The following KCNMA1 variants were observed in gnomAD, a reference collection of about 807,000 sequenced individuals.
KCNMA1 encodes the protein Calcium-activated potassium channel subunit alpha-1.
In KCNMA1, 29 loss-of-function variants were observed where a neutral mutation model predicts 140.0. That is an observed-to-expected ratio of 0.21 (90% CI 0.15 to 0.28). The LOEUF (loss-of-function observed/expected upper bound fraction) is 0.28. Ranked by LOEUF, KCNMA1 falls within the 10% of genes least tolerant of loss-of-function variation. The probability of loss-of-function intolerance (pLI) is 1.00; values close to 1 mark genes in which losing one functional copy is unlikely to be tolerated. For missense variants in KCNMA1, 880 were observed against 1,602.2 expected (o/e 0.55, Z 7.70); for synonymous variants, 612 against 611.9 (o/e 1.00, Z 0.00).
intron 2 of KCNMA1, among the ~76,000 whole-genome samples, chr10:77,326,108 C>T (rs2084095603): frequency 6.6e-6 from 1 of 152,190 alleles, no homozygotes; most frequent in Non-Finnish European, 1.5e-5. Context: ...TGATTGGAAG[C>T]CATTCATTCC....
chr10:77,558,459 C>T (rs1356095164), intron 1 of KCNMA1, among the ~76,000 whole-genome samples: 1 of 152,158 alleles, frequency 6.6e-6, no homozygotes, highest in Non-Finnish European at 1.5e-5. Flanking sequence ...AAATTTTGAC[C>T]TGTGGTTCAC....
chr10:77,367,210 A>G (rs569445113), intron 2 of KCNMA1, among the ~76,000 whole-genome samples: 1 of 152,302 alleles, frequency 6.6e-6, no homozygotes, highest in South Asian at 2.1e-4. Context: ...ATGGGTGGAT[A>G]GAGAGCACTC....
chr10:77,054,655 T>A (rs960952044), intron 14 of KCNMA1, among the ~76,000 whole-genome samples: 2 of 152,214 alleles, frequency 1.3e-5, no homozygotes, highest in African/African-American at 4.8e-5. Context: ...TCTCCGAACA[T>A]GAAACCCTAA....
At chr10:77,212,289 C>T (rs2046325339) in intron 3 of KCNMA1, among the ~76,000 whole-genome samples, 1 of 152,216 alleles carries the variant, frequency 6.6e-6, no homozygotes, top group South Asian at 2.1e-4. Flanking sequence ...GAAATCAAGT[C>T]TTTTGTGGTA....
intron 3 of KCNMA1, among the ~76,000 whole-genome samples, chr10:77,215,443 G>C (rs1409011474): frequency 7.2e-6 from 1 of 138,970 alleles, no homozygotes; most frequent in Admixed American, 7.5e-5. Context: ...CCTCTAGACT[G>C]TGTTCCCTGA....
At chr10:77,582,323 C>T (rs1043499826) in intron 1 of KCNMA1, among the ~76,000 whole-genome samples, 8 of 152,190 alleles carry the variant, frequency 5.3e-5, no homozygotes, top group Non-Finnish European at 2.9e-5. Flanking sequence ...ATGATGCCTG[C>T]ATCAGGGTTA....
chr10:77,123,036 C>T (rs113635159), intron 5 of KCNMA1, among the ~76,000 whole-genome samples: 7,529 of 151,026 alleles, frequency 0.05, 216 homozygotes, highest in Middle Eastern at 0.097. Flanking sequence ...AAAAATTAGC[C>T]GGGCGTGGTG....
chr10:77,319,854 C>T (rs2081884902), intron 2 of KCNMA1, among the ~76,000 whole-genome samples: 1 of 152,234 alleles, frequency 6.6e-6, no homozygotes, highest in Non-Finnish European at 1.5e-5. Context: ...CTACTGGCCT[C>T]CTACCTTCAT....
chr10:77,535,725 A>G (rs2058737475), intron 1 of KCNMA1, among the ~76,000 whole-genome samples: 1 of 152,272 alleles, frequency 6.6e-6, no homozygotes, highest in African/African-American at 2.4e-5. Context: ...AAAGAATGGA[A>G]TTCTGTCCTT....
intron 1 of KCNMA1, among the ~76,000 whole-genome samples, chr10:77,499,813 C>T (rs926851987): frequency 5.9e-5 from 9 of 151,956 alleles, no homozygotes; most frequent in African/African-American, 2.2e-4. Flanking sequence ...ATTGTTACAA[C>T]TGTGATTACA....
intron 14 of KCNMA1, among the ~76,000 whole-genome samples, chr10:77,045,494 T>A (rs1179813574): frequency 6.6e-6 from 1 of 152,232 alleles, no homozygotes; most frequent in Non-Finnish European, 1.5e-5. Context: ...TACTGTCTTA[T>A]TTATCTACTC....
At chr10:76,913,869 A>T in intron 24 of KCNMA1, 1 of 566,830 alleles carries the variant, frequency 1.8e-6, no homozygotes, top group Non-Finnish European at 3.1e-6. Flanking sequence ...TGGGGAAAAA[A>T]TCATTAAGAA....
At chr10:77,343,724 G>A (rs2091528852) in intron 2 of KCNMA1, among the ~76,000 whole-genome samples, 1 of 152,212 alleles carries the variant, frequency 6.6e-6, no homozygotes, top group South Asian at 2.1e-4. Flanking sequence ...AGAGGTCATA[G>A]TGTCCGTGGC....
chr10:77,442,464 T>TGGAAGTCAGATGTA (rs1161605661), intron 1 of KCNMA1, among the ~76,000 whole-genome samples: 1 of 152,094 alleles, frequency 6.6e-6, no homozygotes, highest in Admixed American at 6.5e-5. Flanking sequence ...GGACCTGGCA[T>TGGAAGTCAGATGTA]GGAAGTCAGA....
chr10:77,000,149 A>G (rs376234298), intron 19 of KCNMA1, among the ~76,000 whole-genome samples: 2 of 152,216 alleles, frequency 1.3e-5, no homozygotes, highest in East Asian at 1.9e-4. Context: ...GTGTAGCTCA[A>G]CCAGCTCTGA....
intron 1 of KCNMA1, among the ~76,000 whole-genome samples, chr10:77,536,568 G>C (rs1472878351): frequency 6.6e-6 from 1 of 152,138 alleles, no homozygotes; most frequent in Admixed American, 6.5e-5. Flanking sequence ...AATAACATTA[G>C]GTACGTTGAC....
rs376225264 is a variant in KCNMA1 at position 77,637,251 on chromosome 10, G to A, written c.378+14C>T. The A allele has an allele frequency of 7.5e-6, 12 of 1,592,610 alleles. No homozygotes were observed. The highest frequency in any genetic ancestry group is 4.6e-5 in the East Asian group (2 of 43,744). Reference sequence around the variant, plus strand: ...GGGCTGGCGCAGAGGGCGGGCGCCCGGGGCGCGCGTTACCTTCGTCTTGCC... The same window carrying A: ...GGGCTGGCGCAGAGGGCGGGCGCCCAGGGCGCGCGTTACCTTCGTCTTGCC... On this transcript the variant is annotated intron_variant, in intron 1 of 27. Coordinates refer to ENST00000286628, the MANE Select transcript of KCNMA1 (RefSeq NM_001161352.2).
intron 2 of KCNMA1, among the ~76,000 whole-genome samples, chr10:77,358,160 C>G (rs529594450): frequency 1.7e-4 from 26 of 152,240 alleles, no homozygotes; most frequent in Admixed American, 6.5e-5. Context: ...CGTCCCACCC[C>G]CAAGACTCCT....
Position 77,012,045 on chromosome 10 carries a change from T to C in KCNMA1, c.2016-2A>G. The C allele has an allele frequency of 6.2e-7, 1 of 1,613,748 alleles. No homozygotes were observed. The highest frequency in any genetic ancestry group is 8.5e-7 in the Non-Finnish European group (1 of 1,179,840). On this transcript the variant is annotated splice_acceptor_variant, in intron 17 of 27. Transcript: ENST00000286628. LOFTEE classifies it high-confidence loss of function. Reference sequence around the variant, plus strand: ...CAGGCCTTGCAGTAAAAAAATGCCCTGGAGAAAGAGAATGGAAAAACTGAC... The same window carrying C: ...CAGGCCTTGCAGTAAAAAAATGCCCCGGAGAAAGAGAATGGAAAAACTGAC...
Sources: gnomAD v4.1 joint callset for allele counts (sites outside exome capture counted in the v4.1 genomes callset) on GRCh38, gnomAD v4.1.1 for gene constraint, MANE v1.5 for transcripts, NCBI Gene and HGNC (gene_info 2026-07-23, HGNC 2026-07-21) for gene names.